Variants in SGCG observed in about 807,000 individuals in gnomAD.
SGCG encodes sarcoglycan gamma, also known as gamma-sarcoglycan.
Under a neutral mutation model 29.3 loss-of-function variants are expected in SGCG, and 26 were observed. The observed-to-expected ratio is 0.89, with a 90% CI of 0.65 to 1.23. The LOEUF is 1.23. Among genes scored for constraint, SGCG ranks in the 50% most tolerant of loss-of-function variants. SGCG has a pLI of 0.00. For synonymous variants in SGCG, 145 were observed against 129.7 expected (o/e 1.12, Z -0.80); for missense variants, 353 against 356.0 (o/e 0.99, Z 0.07).
chr13:23,205,768 T>C (rs1877960513), intron 2 of SGCG, among the ~76,000 whole-genome samples: 1 of 152,070 alleles, frequency 6.6e-6, no homozygotes, highest in Admixed American at 6.5e-5. Flanking sequence ...CTGCCCTTTC[T>C]AGTGAGATAT....
At chr13:23,183,266 C>T (rs973328300) in intron 1 of SGCG, among the ~76,000 whole-genome samples, 1 of 152,056 alleles carries the variant, frequency 6.6e-6, no homozygotes, top group East Asian at 1.9e-4. Flanking sequence ...ATCGGCATCA[C>T]CCATCAATGC....
At chr13:23,310,048 A>G (rs1349824983) in intron 6 of SGCG, among the ~76,000 whole-genome samples, 1 of 140,440 alleles carries the variant, frequency 7.1e-6, no homozygotes, top group African/African-American at 2.7e-5. Context: ...AACATCTTCT[A>G]TATACTTAGT....
At chr13:23,182,369 G>C (rs1261984633) in intron 1 of SGCG, among the ~76,000 whole-genome samples, 1 of 152,128 alleles carries the variant, frequency 6.6e-6, no homozygotes, top group African/African-American at 2.4e-5. Flanking sequence ...TTCCCAGTGG[G>C]AGGGGAGAAA....
intron 5 of SGCG, among the ~76,000 whole-genome samples, chr13:23,280,515 G>C (rs915686628): frequency 6.6e-6 from 1 of 152,184 alleles, no homozygotes; most frequent in Admixed American, 6.5e-5. Flanking sequence ...AATGTATCTG[G>C]TTTTGTTACT....
chr13:23,292,409 G>A (rs953890881), intron 5 of SGCG, among the ~76,000 whole-genome samples: 12 of 152,020 alleles, frequency 7.9e-5, no homozygotes, highest in Admixed American at 5.2e-4. Context: ...TGCGCCCACC[G>A]ACGTTTCTCT....
chr13:23,202,235 G>A (rs1877797213), intron 1 of SGCG, among the ~76,000 whole-genome samples: 1 of 152,164 alleles, frequency 6.6e-6, no homozygotes, highest in Admixed American at 6.5e-5. Flanking sequence ...GTGGCGAAAA[G>A]CCATCAGAAG....
At chr13:23,243,147 G>A (rs550862975) in intron 3 of SGCG, among the ~76,000 whole-genome samples, 3 of 152,202 alleles carry the variant, frequency 2.0e-5, no homozygotes, top group African/African-American at 4.8e-5. Flanking sequence ...GAGCTTTACC[G>A]TGTGAACACA....
At position 23,274,395 on chromosome 13, in the gene SGCG, C is replaced by CTTTTT. The variant is rs869153381; in HGVS notation, c.386-4943_386-4939dup. 3.5e-3 allele frequency among the ~76,000 whole-genome samples: 302 copies of CTTTTT among 85,234 alleles called. 4 individuals are homozygous for CTTTTT. The highest frequency in any genetic ancestry group is 4.8e-3 in the Non-Finnish European group (222 of 46,272). 55.9% of individuals were successfully genotyped at this position (85,234 alleles called of 152,430 possible). On this transcript the variant is annotated intron_variant, in intron 4 of 7. Coordinates refer to ENST00000218867, the MANE Select transcript of SGCG (RefSeq NM_000231.3). ...GGTGTGTTTTTCTTTCTTTCTTTCT[C>CTTTTT]TTTTTTTTTTTTTTTTTTTTTTTTT...
At chr13:23,307,713 AATTAT>A (rs1308620824) in intron 6 of SGCG, among the ~76,000 whole-genome samples, 3 of 152,232 alleles carry the variant, frequency 2.0e-5, no homozygotes, top group Non-Finnish European at 4.4e-5. Flanking sequence ...CAATGTATCA[AATTAT>A]ATCTGTATTT....
intron 6 of SGCG, among the ~76,000 whole-genome samples, chr13:23,296,705 T>C (rs886285839): frequency 3.9e-5 from 6 of 152,194 alleles, no homozygotes; most frequent in Admixed American, 2.6e-4. Context: ...GCCTAGTTTA[T>C]CCGACTTAGC....
At chr13:23,305,040 A>G (rs1297629520) in intron 6 of SGCG, among the ~76,000 whole-genome samples, 1 of 152,118 alleles carries the variant, frequency 6.6e-6, no homozygotes, top group Non-Finnish European at 1.5e-5. Context: ...ATTGAACATT[A>G]GTCTGCCTAT....
At chr13:23,212,236 C>T (rs1024074040) in intron 2 of SGCG, among the ~76,000 whole-genome samples, 4 of 152,162 alleles carry the variant, frequency 2.6e-5, no homozygotes, top group Non-Finnish European at 4.4e-5. Context: ...TTTGGCATTT[C>T]GTTGTAGCAA....
chr13:23,210,021 A>G (rs1470827279), intron 2 of SGCG, among the ~76,000 whole-genome samples: 1 of 152,204 alleles, frequency 6.6e-6, no homozygotes, highest in Non-Finnish European at 1.5e-5. Context: ...CTGATGACCC[A>G]TACTCTTGAC....
At chr13:23,213,372 C>T (rs894789205) in intron 2 of SGCG, among the ~76,000 whole-genome samples, 1 of 152,120 alleles carries the variant, frequency 6.6e-6, no homozygotes, top group African/African-American at 2.4e-5. Flanking sequence ...ATCTCAGCTA[C>T]TTGGGTGGCT....
intron 1 of SGCG, among the ~76,000 whole-genome samples, chr13:23,192,052 G>A (rs544886020): frequency 1.3e-5 from 2 of 151,886 alleles, no homozygotes; most frequent in East Asian, 2.0e-4. Flanking sequence ...GCGGGCTCCT[G>A]TAGTCCCAGC....
intron 6 of SGCG, among the ~76,000 whole-genome samples, chr13:23,307,155 A>C (rs482206): frequency 0.81 from 122,733 of 152,048 alleles, 52,001 homozygotes; most frequent in East Asian, 1. Flanking sequence ...AAACAGAGGT[A>C]TTAAGGACAA....
the SGCG span, among the ~76,000 whole-genome samples, chr13:23,175,015 C>T: frequency 6.6e-6 from 1 of 151,944 alleles, no homozygotes; most frequent in Admixed American, 6.6e-5. Context: ...TTAAAGAGCA[C>T]GAGGGTCAGG....
intron 2 of SGCG, among the ~76,000 whole-genome samples, chr13:23,207,659 G>A (rs1826054875): frequency 6.6e-6 from 1 of 152,056 alleles, no homozygotes; most frequent in South Asian, 2.1e-4. Context: ...CAAAACATCA[G>A]AACAGACATT....
chr13:23,241,537 A>G (rs1398489509), intron 3 of SGCG, among the ~76,000 whole-genome samples: 2 of 152,216 alleles, frequency 1.3e-5, no homozygotes, highest in Admixed American at 1.3e-4. Flanking sequence ...ATTCTACCAA[A>G]CATTTAAAGA....
Sources: gnomAD v4.1 joint callset for allele counts (sites outside exome capture counted in the v4.1 genomes callset) on GRCh38, gnomAD v4.1.1 for gene constraint, MANE v1.5 for transcripts, NCBI Gene and HGNC (gene_info 2026-07-23, HGNC 2026-07-21) for gene names.